Variants in ATF7IP observed in about 807,000 individuals in gnomAD.
The protein encoded by ATF7IP is activating transcription factor 7-interacting protein 1.
A neutral mutation model predicts 106.4 loss-of-function variants in ATF7IP; 23 were observed. The observed-to-expected ratio is 0.22, with a 90% CI of 0.16 to 0.31. The LOEUF (loss-of-function observed/expected upper bound fraction) is 0.31. Ranked by LOEUF, ATF7IP falls within the 10% of genes least tolerant of loss-of-function variation. The probability of loss-of-function intolerance (pLI) is 1.00; values close to 1 mark genes in which losing one functional copy is unlikely to be tolerated. For missense variants in ATF7IP, 1,334 were observed against 1,524.3 expected (o/e 0.88, Z 2.08); for synonymous variants, 542 against 539.0 (o/e 1.01, Z -0.08).
intron 13 of ATF7IP, among the ~76,000 whole-genome samples, chr12:14,494,267 G>T (rs1435735828): frequency 8.6e-6 from 1 of 116,840 alleles, no homozygotes; most frequent in Admixed American, 9.8e-5. Flanking sequence ...GGTTCTCTAG[G>T]GGGACAGAGC....
chr12:14,480,482 AC>A (rs1188535843), intron 12 of ATF7IP, among the ~76,000 whole-genome samples: 1 of 152,232 alleles, frequency 6.6e-6, no homozygotes, highest in Non-Finnish European at 1.5e-5. Flanking sequence ...GTTCAGCTAA[AC>A]AAAATGTGAA....
intron 10 of ATF7IP, among the ~76,000 whole-genome samples, chr12:14,472,927 C>T (rs1450337613): frequency 1.3e-5 from 2 of 152,138 alleles, no homozygotes; most frequent in Non-Finnish European, 2.9e-5. Flanking sequence ...TCTACAGCAG[C>T]ATTTTTATGT....
chr12:14,465,752 A>G (rs999205988), intron 9 of ATF7IP, among the ~76,000 whole-genome samples: 6 of 152,100 alleles, frequency 3.9e-5, no homozygotes, highest in African/African-American at 1.4e-4. Flanking sequence ...TTTTTTAAAC[A>G]TAAATTGTTT....
chr12:14,397,975 T>C (rs1461224983), intron 1 of ATF7IP, among the ~76,000 whole-genome samples: 1 of 152,168 alleles, frequency 6.6e-6, no homozygotes, highest in Non-Finnish European at 1.5e-5. Context: ...CCTCAGTCTT[T>C]CCCTAATATT....
chr12:14,459,552 C>G (rs1053306354), intron 8 of ATF7IP, among the ~76,000 whole-genome samples: 2 of 152,160 alleles, frequency 1.3e-5, no homozygotes, highest in African/African-American at 4.8e-5. Flanking sequence ...CTTAGCATTG[C>G]TTTTGCTCCA....
chr12:14,491,342 G>T (rs1238139075), intron 13 of ATF7IP, among the ~76,000 whole-genome samples: 1 of 152,210 alleles, frequency 6.6e-6, no homozygotes, highest in Non-Finnish European at 1.5e-5. Context: ...AAGGGCCAAA[G>T]GCAGCAACTA....
At position 14,368,626 on chromosome 12, in the gene ATF7IP, G is replaced by A. The variant is rs1025363209; in HGVS notation, c.-8+2799G>A. On this transcript the variant is annotated intron_variant, in intron 1 of 14. Transcript: ENST00000261168. The stretch of plus-strand genomic sequence containing the variant: ...ATTGATAAAAACTTTTTTTTGAAAA[G>A]CATTTTTTATCATATTCAATACCAC... Among the ~76,000 whole-genome samples the A allele has an allele frequency of 5.9e-5, 9 of 152,034 alleles. No homozygotes were observed. The South Asian group carries it at 8.3e-4, about 14-fold the overall frequency.
chr12:14,377,029 G>C (rs978662488), intron 1 of ATF7IP, among the ~76,000 whole-genome samples: 1 of 152,134 alleles, frequency 6.6e-6, no homozygotes. Flanking sequence ...CTGTCTTGCT[G>C]TGTTGCCCAG....
At chr12:14,394,403 G>GT (rs1384138729) in intron 1 of ATF7IP, among the ~76,000 whole-genome samples, 6 of 152,054 alleles carry the variant, frequency 3.9e-5, no homozygotes, top group African/African-American at 1.4e-4. Context: ...TTATAAATTG[G>GT]TTTTCTTTTA....
chr12:14,428,295 T>A (rs1292323298), intron 2 of ATF7IP, among the ~76,000 whole-genome samples: 1 of 152,248 alleles, frequency 6.6e-6, no homozygotes, highest in African/African-American at 2.4e-5. Context: ...TTGCATACTT[T>A]GAAAATTCAA....
chr12:14,410,918 A>G (rs1246031701), intron 1 of ATF7IP, among the ~76,000 whole-genome samples: 1 of 152,134 alleles, frequency 6.6e-6, no homozygotes, highest in Non-Finnish European at 1.5e-5. Flanking sequence ...TTCACTCAGC[A>G]TGTTTTCAAA....
At chr12:14,385,921 G>A (rs1261979528) in intron 1 of ATF7IP, among the ~76,000 whole-genome samples, 1 of 151,806 alleles carries the variant, frequency 6.6e-6, no homozygotes, top group Non-Finnish European at 1.5e-5. Flanking sequence ...ATTATGGGTT[G>A]CAGTTCTTTC....
intron 1 of ATF7IP, among the ~76,000 whole-genome samples, chr12:14,418,249 A>G (rs1941303933): frequency 6.6e-6 from 1 of 152,122 alleles, no homozygotes; most frequent in African/African-American, 2.4e-5. Flanking sequence ...TTATTTTCCC[A>G]GAGTTCTTGA....
chr12:14,457,165 T>A (rs926727145), intron 7 of ATF7IP, 42 bp from the exon 8 acceptor site: 2 of 1,485,674 alleles, frequency 1.3e-6, no homozygotes, highest in Non-Finnish European at 1.9e-6. Flanking sequence ...ATTCCCTGAG[T>A]GGCATATCTA....
chr12:14,426,655 C>T (rs1026325287), intron 2 of ATF7IP, among the ~76,000 whole-genome samples: 4 of 150,132 alleles, frequency 2.7e-5, no homozygotes, highest in Admixed American at 1.3e-4. Context: ...GGTGAGACCC[C>T]GTCTCTACAA....
intron 5 of ATF7IP, among the ~76,000 whole-genome samples, chr12:14,445,312 A>G (rs1942904243): frequency 6.6e-6 from 1 of 151,806 alleles, no homozygotes; most frequent in South Asian, 2.1e-4. Flanking sequence ...TGACTAAAGA[A>G]AAAATGACAT....
intron 1 of ATF7IP, among the ~76,000 whole-genome samples, chr12:14,403,063 T>C (rs902317329): frequency 6.6e-6 from 1 of 152,188 alleles, no homozygotes; most frequent in Non-Finnish European, 1.5e-5. Flanking sequence ...TTAAGAGAAA[T>C]ATCTGTGGTA....
Position 14,372,460 on chromosome 12 carries a change from C to CAAA in ATF7IP, c.-8+6647_-8+6649dup, listed in dbSNP as rs11431179. On this transcript the variant is annotated intron_variant, in intron 1 of 14. Coordinates refer to ENST00000261168, the MANE Select transcript of ATF7IP (RefSeq NM_018179.5). Reference sequence around the variant, plus strand: ...TGACTCAGGTACCTCAGCCACTTTTCAAAAAAAAAAAAAAAATACCATAGG... The same window carrying CAAA: ...TGACTCAGGTACCTCAGCCACTTTTCAAAAAAAAAAAAAAAAAAATACCATAGG... Among the ~76,000 whole-genome samples the CAAA allele has an allele frequency of 3.6e-3, 443 of 121,388 alleles. 3 individuals are homozygous for CAAA. Among genetic ancestry groups the CAAA allele is most frequent in the African/African-American group, 0.013 (416 of 32,272 alleles). The allele number at this position is 121,388 out of a possible 152,430, so 79.6% of individuals were successfully genotyped here. A position where few individuals can be genotyped will look rare whatever the true frequency, so the allele number is the denominator to read the frequency against.
At chr12:14,410,501 C>T (rs572322142) in intron 1 of ATF7IP, among the ~76,000 whole-genome samples, 61 of 152,166 alleles carry the variant, frequency 4.0e-4, no homozygotes, top group Non-Finnish European at 4.1e-4. Context: ...ACAGCTTCAA[C>T]GTGCAAGAGT....
Sources: allele counts gnomAD v4.1 joint callset (sites outside exome capture counted in the v4.1 genomes callset), GRCh38; gene constraint gnomAD v4.1.1; transcripts MANE v1.5; gene names NCBI Gene and HGNC (gene_info 2026-07-23, HGNC 2026-07-21).